The following PLEKHA5 variants were observed in gnomAD, a reference collection of about 807,000 sequenced individuals.
PLEKHA5 encodes pleckstrin homology domain-containing family A member 5.
In PLEKHA5, 55 loss-of-function variants were observed where a neutral mutation model predicts 181.9. That is an observed-to-expected ratio of 0.30 (90% confidence interval 0.24 to 0.38). The LOEUF (loss-of-function observed/expected upper bound fraction) is 0.38. PLEKHA5 is among the 10% of genes least tolerant of loss of function. PLEKHA5 has a pLI of 1.00. For missense variants in PLEKHA5, 1,432 were observed against 1,549.5 expected, an observed-to-expected ratio of 0.92 and a Z score of 1.27; for synonymous variants, 535 against 529.4, an observed-to-expected ratio of 1.01 and a Z score of -0.15.
At chr12:19,315,406 G>T (rs1202739569) in intron 16 of PLEKHA5, among the ~76,000 whole-genome samples, 1 of 151,998 alleles carries the variant, frequency 6.6e-6, no homozygotes, top group Non-Finnish European at 1.5e-5. Context: ...AACATACTGG[G>T]GGTATTTTGT....
Position 19,130,167 on chromosome 12 carries a change from G to A in PLEKHA5, c.169+37G>A. 2 of 1,414,750 alleles carry A rather than the reference G, an allele frequency of 1.4e-6. No individual in the cohort carries two copies. Among genetic ancestry groups the A allele is most frequent in the Non-Finnish European group, 1.9e-6 (2 of 1,046,962 alleles). The allele number at this position is 1,414,750 out of a possible 1,614,324, so 87.6% of individuals were successfully genotyped here. On this transcript the variant is annotated intron_variant, in intron 2 of 31. Coordinates refer to ENST00000429027, the MANE Select transcript of PLEKHA5 (RefSeq NM_001256470.2). This position sits in a 1 kb window ranked among gnomAD's most constrained non-coding sequence, Gnocchi z 4.5. ...CCCAAACGGAGTTGGGCTCCGCCTG[G>A]AGGAGGCGGCAGAGCCCGGGCCGCC...
At chr12:19,180,577 A>T (rs1182069159) in intron 3 of PLEKHA5, among the ~76,000 whole-genome samples, 1 of 152,100 alleles carries the variant, frequency 6.6e-6, no homozygotes, top group Non-Finnish European at 1.5e-5. Flanking sequence ...TGCACAAATA[A>T]TTTTACATCT....
chr12:19,264,112 T>G (rs1377306478), intron 7 of PLEKHA5, among the ~76,000 whole-genome samples: 1 of 152,178 alleles, frequency 6.6e-6, no homozygotes, highest in Non-Finnish European at 1.5e-5. Context: ...ATGGCAATAT[T>G]TATTTAATGC....
intron 3 of PLEKHA5, among the ~76,000 whole-genome samples, chr12:19,206,510 A>G (rs1402642428): frequency 4.6e-5 from 7 of 152,088 alleles, no homozygotes; most frequent in Non-Finnish European, 8.8e-5. Context: ...GTTTGTTAGT[A>G]CACATAAATG....
chr12:19,237,866 G>A (rs1306073448), intron 3 of PLEKHA5, among the ~76,000 whole-genome samples: 1 of 151,818 alleles, frequency 6.6e-6, no homozygotes, highest in African/African-American at 2.4e-5. Context: ...TGTTGGGTAA[G>A]CTTTTTCTTT....
intron 3 of PLEKHA5, among the ~76,000 whole-genome samples, chr12:19,234,298 T>C (rs1022619659): frequency 2.6e-5 from 4 of 152,194 alleles, no homozygotes; most frequent in Admixed American, 6.5e-5. Flanking sequence ...GTTATAATGA[T>C]CTGTTTACAG....
intron 18 of PLEKHA5, chr12:19,321,530 A>G (rs370498678): frequency 1.3e-4 from 13 of 100,440 alleles, no homozygotes; most frequent in African/African-American, 3.8e-4. Flanking sequence ...TGCCCAGCTA[A>G]CTTTTTGTAT....
chr12:19,169,421 TAGGG>T (rs1156757865), intron 3 of PLEKHA5, among the ~76,000 whole-genome samples: 1 of 152,202 alleles, frequency 6.6e-6, no homozygotes, highest in East Asian at 1.9e-4. Flanking sequence ...TCTTCACTTA[TAGGG>T]CAGTGCTAAG....
At chr12:19,312,257 A>G (rs1414126988) in intron 15 of PLEKHA5, among the ~76,000 whole-genome samples, 1 of 152,232 alleles carries the variant, frequency 6.6e-6, no homozygotes, top group Non-Finnish European at 1.5e-5. Flanking sequence ...ATAGTAAATG[A>G]GCATCAGCTT....
intron 3 of PLEKHA5, among the ~76,000 whole-genome samples, chr12:19,217,239 AT>A (rs531771241): frequency 1.3e-3 from 197 of 152,356 alleles, no homozygotes; most frequent in Non-Finnish European, 2.2e-3. Flanking sequence ...GTTAAGCATT[AT>A]TCTCTATGCC....
intron 23 of PLEKHA5, among the ~76,000 whole-genome samples, chr12:19,346,543 G>A (rs964038351): frequency 1.2e-4 from 18 of 152,120 alleles, no homozygotes; most frequent in African/African-American, 4.3e-4. Flanking sequence ...GGCTGAGCCA[G>A]GAGGATCCCT....
intron 6 of PLEKHA5, among the ~76,000 whole-genome samples, chr12:19,259,626 C>T (rs1460690965): frequency 6.6e-6 from 1 of 151,900 alleles, no homozygotes; most frequent in South Asian, 2.1e-4. Flanking sequence ...TGGTGCACGA[C>T]TGTAATCCTA....
chr12:19,253,371 G>A (rs979711808), intron 3 of PLEKHA5, among the ~76,000 whole-genome samples: 9 of 151,546 alleles, frequency 5.9e-5, no homozygotes, highest in South Asian at 2.1e-4. Context: ...CATGGCACCT[G>A]GCCTACAACT....
chr12:19,137,110 G>T (rs116748533), intron 3 of PLEKHA5, among the ~76,000 whole-genome samples: 1 of 151,658 alleles, frequency 6.6e-6, no homozygotes. Flanking sequence ...CTCAGCTCAC[G>T]CAACGTCCAC....
chr12:19,201,130 A>G (rs961657980), intron 3 of PLEKHA5: 1 of 152,110 alleles, frequency 6.6e-6, no homozygotes, highest in Non-Finnish European at 1.5e-5. Flanking sequence ...CAGAATTTTT[A>G]AAGAACTTTT....
intron 3 of PLEKHA5, among the ~76,000 whole-genome samples, chr12:19,177,753 T>C (rs2047656394): frequency 6.6e-6 from 1 of 152,248 alleles, no homozygotes. Context: ...GTGCTATGTA[T>C]TTATTTACTT....
At chr12:19,187,912 TC>T (rs2050219950) in intron 3 of PLEKHA5, among the ~76,000 whole-genome samples, 1 of 152,344 alleles carries the variant, frequency 6.6e-6, no homozygotes, top group African/African-American at 2.4e-5. Context: ...AAACATTTCT[TC>T]TGATAGAGTG....
intron 3 of PLEKHA5, among the ~76,000 whole-genome samples, chr12:19,235,649 G>T (rs865866062): frequency 6.6e-6 from 1 of 152,280 alleles, no homozygotes; most frequent in Middle Eastern, 3.4e-3. Flanking sequence ...TCAGAAAACT[G>T]TTGAGAAAAG....
intron 3 of PLEKHA5, among the ~76,000 whole-genome samples, chr12:19,135,179 C>T (rs2035241019): frequency 6.6e-6 from 1 of 152,152 alleles, no homozygotes. Flanking sequence ...AATTATTCCT[C>T]TCCTGGACAA....
Sources: gnomAD v4.1 joint callset for allele counts (sites outside exome capture counted in the v4.1 genomes callset) on GRCh38, gnomAD v4.1.1 for gene constraint, Gnocchi (gnomAD v3.1) non-coding constraint, MANE v1.5 for transcripts, NCBI Gene and HGNC (gene_info 2026-07-23, HGNC 2026-07-21) for gene names.